The following MAP3K5 variants were observed in gnomAD, a reference collection of about 807,000 sequenced individuals.
MAP3K5 encodes the protein mitogen-activated protein kinase kinase kinase 5, also known as ASK-1.
In MAP3K5, 56 loss-of-function variants were observed where a neutral mutation model predicts 158.7. The observed-to-expected ratio is 0.35, with a 90% confidence interval of 0.28 to 0.44. The LOEUF (loss-of-function observed/expected upper bound fraction) is 0.44, where lower values mean the gene tolerates loss of function less well. Ranked by LOEUF, MAP3K5 falls within the 20% of genes least tolerant of loss-of-function variation. The pLI is 1.00. For missense variants in MAP3K5, 1,294 were observed against 1,674.8 expected, an observed-to-expected ratio of 0.77 and a Z score of 3.97; for synonymous variants, 579 against 601.7, an observed-to-expected ratio of 0.96 and a Z score of 0.55.
chr6:136,599,723 C>T lies in MAP3K5; in HGVS notation c.2878+1299G>A, dbSNP rs372827819. ...GTGAAGTAGGTAATGTTACCAGCAC[C>T]GAATGACAGAAGAAATATGCATGTC... On this transcript the variant is annotated intron_variant, in intron 21 of 29. Coordinates refer to ENST00000359015, the MANE Select transcript of MAP3K5 (RefSeq NM_005923.4). Among the ~76,000 whole-genome samples the T allele has an allele frequency of 7.2e-4, 110 of 152,044 alleles. 1 individual carries two copies. The highest frequency in any genetic ancestry group is 1.2e-3 in the Non-Finnish European group (80 of 67,986).
intron 2 of MAP3K5, among the ~76,000 whole-genome samples, chr6:136,718,516 C>T (rs1244190074): frequency 6.6e-6 from 1 of 152,142 alleles, no homozygotes; most frequent in African/African-American, 2.4e-5. Context: ...AAAATGTATG[C>T]AGATAAAGCA....
At chr6:136,682,655 A>G (rs1779983878) in intron 7 of MAP3K5, among the ~76,000 whole-genome samples, 1 of 152,204 alleles carries the variant, frequency 6.6e-6, no homozygotes, top group South Asian at 2.1e-4. Context: ...TTTCCTGGCT[A>G]TGGATCTTTT....
rs555913221 is a variant in MAP3K5 at position 136,741,714 on chromosome 6, T to C, written c.449-21125A>G. ...AATAAAACTTGTCTTTGTTCACAGA[T>C]GGCAGGATCATCTATGTACAAAACC... On this transcript the variant is annotated intron_variant, in intron 1 of 29. Coordinates refer to ENST00000359015, the MANE Select transcript of MAP3K5 (RefSeq NM_005923.4). 2.4e-4 allele frequency among the ~76,000 whole-genome samples: 37 copies of C among 152,258 alleles called. 1 individual carries two copies. The Middle Eastern group carries it at 0.017, about 70-fold the overall frequency.
chr6:136,736,163 C>A (rs1012462580), intron 1 of MAP3K5, among the ~76,000 whole-genome samples: 1 of 152,010 alleles, frequency 6.6e-6, no homozygotes, highest in Non-Finnish European at 1.5e-5. Flanking sequence ...GGTCTTAAAT[C>A]CAGTTGGATC....
chr6:136,745,081 T>C (rs1782875037), intron 1 of MAP3K5, among the ~76,000 whole-genome samples: 1 of 151,644 alleles, frequency 6.6e-6, no homozygotes, highest in Non-Finnish European at 1.5e-5. Context: ...GGCTGGAACA[T>C]AATGTTTCCT....
At chr6:136,771,729 T>C (rs1390312513) in intron 1 of MAP3K5, among the ~76,000 whole-genome samples, 1 of 152,200 alleles carries the variant, frequency 6.6e-6, no homozygotes, top group Non-Finnish European at 1.5e-5. Context: ...CCTTGAATTC[T>C]TTCCTGGGCA....
chr6:136,730,329 T>G (rs1211689511), intron 1 of MAP3K5, among the ~76,000 whole-genome samples: 27 of 149,972 alleles, frequency 1.8e-4, no homozygotes, highest in Admixed American at 6.0e-4. Context: ...GGAGCTTGAG[T>G]TCATATTGGA....
At chr6:136,670,387 C>T (rs1483657017) in intron 7 of MAP3K5, among the ~76,000 whole-genome samples, 1 of 151,676 alleles carries the variant, frequency 6.6e-6, no homozygotes, top group African/African-American at 2.4e-5. Context: ...CTGCCTGAGG[C>T]CAATGCATGA....
At chr6:136,662,719 C>G (rs1395057741) in intron 8 of MAP3K5, among the ~76,000 whole-genome samples, 1 of 152,166 alleles carries the variant, frequency 6.6e-6, no homozygotes, top group Admixed American at 6.5e-5. Flanking sequence ...TATTTTTAGG[C>G]TCTTCATCCA....
chr6:136,673,799 A>G (rs912242993), intron 7 of MAP3K5, among the ~76,000 whole-genome samples: 2 of 151,986 alleles, frequency 1.3e-5, no homozygotes, highest in Non-Finnish European at 1.5e-5. Context: ...CCTATGTATT[A>G]CTGTAGCCCC....
At chr6:136,737,600 C>T (rs989961591) in intron 1 of MAP3K5, among the ~76,000 whole-genome samples, 5 of 152,150 alleles carry the variant, frequency 3.3e-5, no homozygotes, top group African/African-American at 4.8e-5. Context: ...CAGGAGGCTC[C>T]GGTTTCTTCG....
chr6:136,642,075 TAAAATA>T (rs1237945974), intron 12 of MAP3K5, among the ~76,000 whole-genome samples: 2 of 145,988 alleles, frequency 1.4e-5, no homozygotes, highest in African/African-American at 2.6e-5. Flanking sequence ...TAAAATAAAA[TAAAATA>T]AAATAAAATA....
intron 27 of MAP3K5, 49 bp from the exon 28 acceptor site, chr6:136,561,694 C>A: frequency 1.0e-6 from 1 of 989,836 alleles, no homozygotes; most frequent in South Asian, 1.3e-5. Flanking sequence ...TAACAGAGGT[C>A]ATCTGAGACC....
chr6:136,581,853 C>T (rs778581494), intron 24 of MAP3K5, among the ~76,000 whole-genome samples: 7 of 152,144 alleles, frequency 4.6e-5, no homozygotes, highest in Non-Finnish European at 7.4e-5. Context: ...GAGTCCGATG[C>T]GGGCGGATCA....
chr6:136,698,943 CA>C (rs1780727750), intron 3 of MAP3K5, among the ~76,000 whole-genome samples: 1 of 152,184 alleles, frequency 6.6e-6, no homozygotes, highest in African/African-American at 2.4e-5. Flanking sequence ...CACCATCTTT[CA>C]AGGCTAGGGC....
intron 1 of MAP3K5, among the ~76,000 whole-genome samples, chr6:136,741,508 CAA>C (rs200044025): frequency 1.6e-5 from 2 of 125,046 alleles, no homozygotes; most frequent in Non-Finnish European, 1.7e-5. Context: ...CAAATACCTA[CAA>C]AAAAAAAAAA....
At chr6:136,648,338 A>G (rs972935539) in intron 11 of MAP3K5, among the ~76,000 whole-genome samples, 1 of 152,142 alleles carries the variant, frequency 6.6e-6, no homozygotes, top group Non-Finnish European at 1.5e-5. Flanking sequence ...ACCACAACCT[A>G]TTGGTAGAGT....
At chr6:136,769,202 A>G (rs998231289) in intron 1 of MAP3K5, among the ~76,000 whole-genome samples, 1 of 152,256 alleles carries the variant, frequency 6.6e-6, no homozygotes, top group African/African-American at 2.4e-5. Context: ...TCCCTGCTAC[A>G]ACATGGATGA....
intron 2 of MAP3K5, 23 bp from the exon 3 acceptor site, chr6:136,705,156 T>C (rs962590361): frequency 1.8e-6 from 2 of 1,098,618 alleles, no homozygotes; most frequent in Non-Finnish European, 2.6e-6. Flanking sequence ...AAAAAAAATA[T>C]ACCACAAGTT....
Sources: allele counts gnomAD v4.1 joint callset (sites outside exome capture counted in the v4.1 genomes callset), GRCh38; gene constraint gnomAD v4.1.1; transcripts MANE v1.5; gene names NCBI Gene and HGNC (gene_info 2026-07-23, HGNC 2026-07-21).